The following GTF2E1 variants were observed in gnomAD, a reference collection of about 807,000 sequenced individuals.
GTF2E1 encodes general transcription factor IIE subunit 1.
A neutral mutation model predicts 34.9 loss-of-function variants in GTF2E1; 14 were observed. The ratio of observed to expected loss-of-function variants is 0.40; its 90% CI spans 0.27 to 0.63. The LOEUF (loss-of-function observed/expected upper bound fraction) is 0.63. GTF2E1 is among the 20% of genes least tolerant of loss of function. The pLI is 0.39. For missense variants in GTF2E1, 469 were observed against 557.7 expected (o/e 0.84, Z 1.60); for synonymous variants, 188 against 192.9 (o/e 0.97, Z 0.21).
chr3:120,778,702 T>C (rs1709421412), intron 4 of GTF2E1, among the ~76,000 whole-genome samples: 1 of 152,202 alleles, frequency 6.6e-6, no homozygotes, highest in South Asian at 2.1e-4. Context: ...CCAGTATCTT[T>C]CTGGTTTTTA....
At chr3:120,776,262 G>T (rs546358535) in intron 3 of GTF2E1, among the ~76,000 whole-genome samples, 161 bp from the exon 4 acceptor site, 6 of 152,298 alleles carry the variant, frequency 3.9e-5, no homozygotes, top group Middle Eastern at 3.4e-3. Context: ...TTACCCTGAG[G>T]TATAGAAGCA....
intron 3 of GTF2E1, among the ~76,000 whole-genome samples, chr3:120,772,425 T>A (rs190370053): frequency 3.3e-5 from 5 of 152,308 alleles, no homozygotes; most frequent in African/African-American, 1.2e-4. Flanking sequence ...CCACAGTTGA[T>A]AGGAAACTAA....
At chr3:120,771,821 A>G (rs975823206) in intron 3 of GTF2E1, among the ~76,000 whole-genome samples, 24 of 152,208 alleles carry the variant, frequency 1.6e-4, no homozygotes, top group Admixed American at 1.6e-3. Context: ...TTTCTAATCC[A>G]GTACCGTGTG....
At chr3:120,756,121 T>C (rs1048792131) in intron 2 of GTF2E1, among the ~76,000 whole-genome samples, 6 of 152,200 alleles carry the variant, frequency 3.9e-5, no homozygotes, top group Non-Finnish European at 8.8e-5. Context: ...TTTGGGTATA[T>C]ACTCAGCAGT....
At position 120,781,289 on chromosome 3, in the gene GTF2E1, A is replaced by G; in HGVS notation, c.1139A>G (p.Asp380Gly). 3.1e-6 allele frequency: 5 copies of G among 1,614,126 alleles called. No individual in the cohort carries two copies. The highest frequency in any genetic ancestry group is 4.2e-6 in the Non-Finnish European group (5 of 1,180,002). The change falls in exon 5 of 5, where the codon GAT (aspartate) becomes GGT (glycine). Residue 380 changes from aspartate (D) to glycine (G), a missense_variant. Transcript: ENST00000283875. ...AAVAVHKREE[D>G]EEEDDEFEEV... The stretch of plus-strand genomic sequence containing the variant: ...GTGGCTGTGCATAAACGAGAAGAGG[A>G]TGAAGAGGAAGATGACGAGTTTGAA...
chr3:120,763,231 T>C (rs1052320633), intron 2 of GTF2E1, among the ~76,000 whole-genome samples: 3 of 152,236 alleles, frequency 2.0e-5, no homozygotes, highest in African/African-American at 7.2e-5. Context: ...CAAGCTTTAA[T>C]ATTCATCCAT....
At chr3:120,780,502 T>C (rs764142837) in intron 4 of GTF2E1, among the ~76,000 whole-genome samples, 5 of 152,180 alleles carry the variant, frequency 3.3e-5, no homozygotes, top group Admixed American at 1.3e-4. Flanking sequence ...TGGAGGCTAC[T>C]GTGGCTAGAC....
chr3:120,781,308 G>A lies in GTF2E1; in HGVS notation c.1158G>A (p.Glu386=), dbSNP rs1448718433. ...KREEDEEEDD[E]FEEVADDPIV... ...AAGAGGATGAAGAGGAAGATGACGAGTTTGAAGAAGTAGCAGATGACCCCA... is the reference window on the plus strand; with the variant it reads ...AAGAGGATGAAGAGGAAGATGACGAATTTGAAGAAGTAGCAGATGACCCCA... Residue 386 remains glutamate (E), a synonymous_variant, in exon 5 of 5, where the codon GAG becomes GAA. Coordinates refer to ENST00000283875, the MANE Select transcript of GTF2E1 (RefSeq NM_005513.3). 6.2e-7 allele frequency: 1 copy of A among 1,614,192 alleles called. No individual in the cohort carries two copies. Among genetic ancestry groups the A allele is most frequent in the Non-Finnish European group, 8.5e-7 (1 of 1,180,026 alleles).
chr3:120,748,390 C>A (rs531430202), intron 1 of GTF2E1, among the ~76,000 whole-genome samples: 122 of 152,282 alleles, frequency 8.0e-4, no homozygotes, highest in Non-Finnish European at 1.2e-3. Context: ...TTAGGTCTAA[C>A]ATTTAAGTCT....
chr3:120,774,633 C>CAA (rs5852253), intron 3 of GTF2E1, among the ~76,000 whole-genome samples: 3 of 139,708 alleles, frequency 2.1e-5, no homozygotes, highest in African/African-American at 2.7e-5. Context: ...CAGAATATAG[C>CAA]AAAAAAAAAA....
intron 2 of GTF2E1, among the ~76,000 whole-genome samples, chr3:120,753,205 T>C (rs1327603665): frequency 1.3e-5 from 2 of 152,158 alleles, no homozygotes; most frequent in Admixed American, 1.3e-4. Context: ...TTCTCTATTA[T>C]TCTTTCTTGT....
intron 2 of GTF2E1, among the ~76,000 whole-genome samples, chr3:120,752,989 C>T (rs1432561472): frequency 6.6e-6 from 1 of 152,148 alleles, no homozygotes; most frequent in Non-Finnish European, 1.5e-5. Context: ...TAGGGACCCT[C>T]ATTCTGAGAA....
chr3:120,775,934 T>C (rs1709394915), intron 3 of GTF2E1, among the ~76,000 whole-genome samples: 1 of 152,176 alleles, frequency 6.6e-6, no homozygotes, highest in Admixed American at 6.5e-5. Flanking sequence ...TCTAGCTTTT[T>C]CCATGATCAG....
chr3:120,777,578 A>G (rs1297525653), intron 4 of GTF2E1, among the ~76,000 whole-genome samples: 1 of 152,206 alleles, frequency 6.6e-6, no homozygotes, highest in Admixed American at 6.5e-5. Context: ...ATATGTATAT[A>G]CTAGAAATTG....
chr3:120,748,829 A>C (rs1709134012), intron 1 of GTF2E1, among the ~76,000 whole-genome samples: 2 of 152,130 alleles, frequency 1.3e-5, no homozygotes, highest in Admixed American at 1.3e-4. Context: ...TGAATCTATA[A>C]ATTACCTTGG....
chr3:120,753,860 T>C (rs1709187134), intron 2 of GTF2E1, among the ~76,000 whole-genome samples: 1 of 152,208 alleles, frequency 6.6e-6, no homozygotes, highest in South Asian at 2.1e-4. Context: ...TCTTCAAATG[T>C]ATAGATACAT....
Position 120,776,654 on chromosome 3 carries a change from T to C in GTF2E1, c.882T>C (p.Asp294=). The C allele has an allele frequency of 6.2e-7, 1 of 1,613,008 alleles. No homozygotes were observed. The highest frequency in any genetic ancestry group is 8.5e-7 in the Non-Finnish European group (1 of 1,179,592). ...STVQGAYGSE[D]MKEGGIDMDA... is the part of the protein sequence containing the mutation. ...TCCAAGGGGCATATGGTTCTGAAGA[T>C]ATGAAAGAAGGTAAGAGTAGAAGTC... The change falls in exon 4 of 5, where the codon GAT becomes GAC. Residue 294 remains aspartate, a synonymous_variant. Coordinates refer to ENST00000283875, the MANE Select transcript of GTF2E1 (RefSeq NM_005513.3).
Position 120,750,814 on chromosome 3 carries a change from C to A in GTF2E1, c.262C>A (p.Arg88Ser). Residue 88 changes from arginine to serine, a missense_variant, in exon 2 of 5, where the codon CGC becomes AGC. By Grantham distance (110) the Arg-to-Ser change is moderately radical. Transcript: ENST00000283875. ...GACTGCTGCAGACGGGAAAACCACTCGCCATAACTACTACTTCATCAATTA... is the reference window on the plus strand; with the variant it reads ...GACTGCTGCAGACGGGAAAACCACTAGCCATAACTACTACTTCATCAATTA... Reference protein sequence around the residue: ...VETAADGKTTRHNYYFINYRT... With the variant: ...VETAADGKTTSHNYYFINYRT... 1.2e-6 allele frequency: 2 copies of A among 1,613,962 alleles called. No individual in the cohort carries two copies. Among genetic ancestry groups the A allele is most frequent in the Non-Finnish European group, 1.7e-6 (2 of 1,179,904 alleles).
chr3:120,774,033 GA>G (rs2107612599), intron 3 of GTF2E1, among the ~76,000 whole-genome samples: 1 of 152,292 alleles, frequency 6.6e-6, no homozygotes, highest in South Asian at 2.1e-4. Flanking sequence ...AGAGAATAGA[GA>G]AAAACTCTGT....
Sources: gnomAD v4.1 joint callset for allele counts (sites outside exome capture counted in the v4.1 genomes callset) on GRCh38, gnomAD v4.1.1 for gene constraint, MANE v1.5 for transcripts, NCBI Gene and HGNC (gene_info 2026-07-23, HGNC 2026-07-21) for gene names.